Variants in CEP63 observed in about 807,000 individuals in gnomAD.
CEP63 encodes the protein centrosomal protein of 63 kDa.
A neutral mutation model predicts 89.1 loss-of-function variants in CEP63; 84 were observed. The observed-to-expected ratio is 0.94, with a 90% CI of 0.79 to 1.13. The LOEUF (loss-of-function observed/expected upper bound fraction) is 1.13, where lower values mean the gene tolerates loss of function less well. CEP63 is among the 50% of genes most tolerant of loss of function. The pLI is 0.00. For missense variants in CEP63, 838 were observed against 813.3 expected (o/e 1.03, Z -0.37); for synonymous variants, 267 against 272.5 (o/e 0.98, Z 0.20).
chr3:134,690,763 T>G, the CEP63 span, among the ~76,000 whole-genome samples: 1 of 94,908 alleles, frequency 1.1e-5, no homozygotes, highest in Non-Finnish European at 2.3e-5. Flanking sequence ...TTTTTTTTTT[T>G]TTTGAGATAG....
the CEP63 span, among the ~76,000 whole-genome samples, chr3:134,671,045 A>G: frequency 1.4e-4 from 21 of 152,210 alleles, no homozygotes; most frequent in Non-Finnish European, 2.6e-4. Context: ...ACTTCAGAAT[A>G]GTGTTTCCTC....
At chr3:134,717,171 C>T in the CEP63 span, among the ~76,000 whole-genome samples, 565 of 152,236 alleles carry the variant, frequency 3.7e-3, 5 homozygotes, top group African/African-American at 0.012. Flanking sequence ...TGTGGAGATT[C>T]GAACACGTGA....
chr3:134,565,717 C>T (rs988410108), downstream of CEP63, among the ~76,000 whole-genome samples: 1 of 147,754 alleles, frequency 6.8e-6, no homozygotes, highest in Admixed American at 6.9e-5. Flanking sequence ...CTCTGAGCTT[C>T]AGAGGGGGAA....
intron 6 of CEP63, among the ~76,000 whole-genome samples, chr3:134,542,270 C>G (rs1952198934): frequency 6.6e-6 from 1 of 152,064 alleles, no homozygotes; most frequent in Non-Finnish European, 1.5e-5. Flanking sequence ...TTAAAAGCAT[C>G]CTTTTCCTGT....
At position 134,561,496 on chromosome 3, in the gene CEP63, G is replaced by T. The variant is rs1174349808; in HGVS notation, c.2073G>T (p.Glu691Asp). Residue 691 changes from glutamate (E) to aspartate (D), a missense_variant, in exon 15 of 15, where the codon GAG becomes GAT. Physicochemically the swap from Glu to Asp is conservative, Grantham distance 45 (BLOSUM62 2). Coordinates refer to ENST00000675561, the MANE Select transcript of CEP63 (RefSeq NM_001353108.3). ...LDAHIEELKR[E>D]SEKTVRQFTA... is the part of the protein sequence containing the mutation. The stretch of plus-strand genomic sequence containing the variant: ...CCCATATTGAAGAACTAAAAAGAGA[G>T]AGTGAAAAGACAGTGAGACAATTCA... 5.6e-6 allele frequency: 9 copies of T among 1,613,768 alleles called. No homozygotes were observed. The highest frequency in any genetic ancestry group is 6.8e-6 in the Non-Finnish European group (8 of 1,179,940).
At chr3:134,667,950 A>G in the CEP63 span, among the ~76,000 whole-genome samples, 2 of 152,234 alleles carry the variant, frequency 1.3e-5, no homozygotes, top group Non-Finnish European at 2.9e-5. Context: ...TAAAAGATAT[A>G]TAGACTTGAT....
At chr3:134,506,007 TCAC>T (rs1943354084) in intron 2 of CEP63, among the ~76,000 whole-genome samples, 1 of 152,204 alleles carries the variant, frequency 6.6e-6, no homozygotes, top group Non-Finnish European at 1.5e-5. Context: ...GTTTGCCTCA[TCAC>T]AGCAGTGTGA....
At chr3:134,540,675 T>C (rs1951810895) in intron 6 of CEP63, among the ~76,000 whole-genome samples, 1 of 152,062 alleles carries the variant, frequency 6.6e-6, no homozygotes, top group East Asian at 1.9e-4. Flanking sequence ...TGTTTTAATA[T>C]GAGTGAGGTT....
At chr3:134,629,687 G>A in the CEP63 span, 3 of 1,590,230 alleles carry the variant, frequency 1.9e-6, no homozygotes, top group Admixed American at 1.8e-5. Context: ...TCCACAGTCA[G>A]TTGTGTCCCT....
intron 2 of CEP63, among the ~76,000 whole-genome samples, chr3:134,504,505 A>G (rs997732336): frequency 6.6e-6 from 1 of 152,218 alleles, no homozygotes; most frequent in East Asian, 1.9e-4. Context: ...CTCACAGAAC[A>G]TCTGACATTT....
At chr3:134,649,782 A>C in the CEP63 span, among the ~76,000 whole-genome samples, 5 of 152,226 alleles carry the variant, frequency 3.3e-5, no homozygotes. Flanking sequence ...CATCCACAGC[A>C]GCATTACTTA....
the CEP63 span, among the ~76,000 whole-genome samples, chr3:134,611,665 C>A: frequency 6.6e-6 from 1 of 152,250 alleles, no homozygotes; most frequent in Admixed American, 6.5e-5. Context: ...GCTCAGTCCC[C>A]AACTCAGTGG....
intron 11 of CEP63, among the ~76,000 whole-genome samples, chr3:134,572,870 C>A (rs1322212597): frequency 6.6e-6 from 1 of 152,186 alleles, no homozygotes; most frequent in African/African-American, 2.4e-5. Context: ...TATATTCTCA[C>A]CAACAGTGTA....
At chr3:134,541,659 G>A (rs547087678) in intron 6 of CEP63, among the ~76,000 whole-genome samples, 47 of 151,838 alleles carry the variant, frequency 3.1e-4, no homozygotes, top group Non-Finnish European at 4.9e-4. Context: ...GATTACAGGC[G>A]TGCACCACCA....
the CEP63 span, among the ~76,000 whole-genome samples, chr3:134,630,701 A>T: frequency 1.3e-5 from 2 of 152,226 alleles, no homozygotes. Flanking sequence ...GTGCACATGC[A>T]GGGCAGATCT....
intron 10 of CEP63, among the ~76,000 whole-genome samples, chr3:134,585,362 T>C (rs1958463177): frequency 6.6e-6 from 1 of 152,170 alleles, no homozygotes; most frequent in African/African-American, 2.4e-5. Flanking sequence ...GCTTTGAATG[T>C]GTCCCAGAGA....
At chr3:134,637,341 T>C in the CEP63 span, among the ~76,000 whole-genome samples, 1 of 152,238 alleles carries the variant, frequency 6.6e-6, no homozygotes, top group East Asian at 1.9e-4. Context: ...TTTCACTTTC[T>C]CCACCTCAAA....
the CEP63 span, among the ~76,000 whole-genome samples, chr3:134,756,089 G>A: frequency 6.6e-6 from 1 of 152,204 alleles, no homozygotes; most frequent in African/African-American, 2.4e-5. Context: ...CTGGGAACTT[G>A]CCCAGCCCGA....
chr3:134,700,250 TC>T, the CEP63 span, among the ~76,000 whole-genome samples: 46 of 151,246 alleles, frequency 3.0e-4, no homozygotes, highest in African/African-American at 1.0e-3. Context: ...CCTCTCCACT[TC>T]CATTCCTGCC....
Sources: gnomAD v4.1 joint callset for allele counts (sites outside exome capture counted in the v4.1 genomes callset) on GRCh38, gnomAD v4.1.1 for gene constraint, MANE v1.5 for transcripts, NCBI Gene and HGNC (gene_info 2026-07-23, HGNC 2026-07-21) for gene names.